Variants in MFN1 observed in about 807,000 individuals in gnomAD.
MFN1 encodes the protein mitofusin 1, also known as mitofusin-1.
A neutral mutation model predicts 92.4 loss-of-function variants in MFN1; 65 were observed. That is an observed-to-expected ratio of 0.70 (90% CI 0.58 to 0.86). MFN1 has a LOEUF of 0.86. Among genes scored for constraint, MFN1 ranks in the 40% least tolerant of loss-of-function variants. The pLI is 0.00. For synonymous variants in MFN1, 297 were observed against 300.9 expected (o/e 0.99, Z 0.13); for missense variants, 781 against 868.0 (o/e 0.90, Z 1.26).
chr3:179,375,237 A>G lies in MFN1; in HGVS notation c.993A>G (p.Ser331=). ...CCTCGCAGGAGTGTATCTCGCAGTCAGCAGTGAAAACAAAGTTCGAACAGC... is the reference window on the plus strand; with the variant it reads ...CCTCGCAGGAGTGTATCTCGCAGTCGGCAGTGAAAACAAAGTTCGAACAGC... ...EQIFEECISQ[S]AVKTKFEQHT... The change falls in exon 10 of 18, where the codon TCA becomes TCG. Residue 331 remains serine, a synonymous_variant. Transcript: ENST00000471841. The G allele has an allele frequency of 6.2e-7, 1 of 1,613,658 alleles. No homozygotes were observed. The highest frequency in any genetic ancestry group is 1.1e-5 in the South Asian group (1 of 91,046).
intron 9 of MFN1, among the ~76,000 whole-genome samples, chr3:179,374,756 A>G (rs1323583382): frequency 4.6e-5 from 7 of 152,338 alleles, no homozygotes; most frequent in Admixed American, 3.3e-4. Context: ...GCAAACTTAC[A>G]GGAATCATTG....
Position 179,358,882 on chromosome 3 carries a change from G to A in MFN1, c.291G>A (p.Trp97Ter). The A allele has an allele frequency of 6.2e-7, 1 of 1,613,864 alleles. No individual in the cohort carries two copies. The highest frequency in any genetic ancestry group is 1.1e-5 in the South Asian group (1 of 91,064). The change falls in exon 4 of 18, where the codon TGG becomes TGA. Residue 97 changes from tryptophan (W) to a stop codon, truncating the protein, a stop_gained. Transcript: ENST00000471841. LOFTEE classifies it high-confidence loss of function. ...GKSSVINAML[W>*]DKVLPSGIGH... ...GCTCTGTTATCAATGCAATGTTGTG[G>A]GATAAAGTTCTCCCTAGTGGGATTG...
chr3:179,366,778 A>C (rs959360024), intron 7 of MFN1, among the ~76,000 whole-genome samples: 2 of 152,102 alleles, frequency 1.3e-5, no homozygotes, highest in Admixed American at 1.3e-4. Flanking sequence ...TAATATAGAG[A>C]TCTCTCATCA....
intron 7 of MFN1, 146 bp downstream of exon 7, chr3:179,365,371 TGATAAA>T: frequency 1.9e-6 from 1 of 513,346 alleles, no homozygotes; most frequent in Non-Finnish European, 3.4e-6. Context: ...AGTAGGTATG[TGATAAA>T]GACCAAAGTC....
At chr3:179,386,666 T>G in intron 16 of MFN1, 37 bp downstream of exon 16, 1 of 1,553,208 alleles carries the variant, frequency 6.4e-7, no homozygotes, top group South Asian at 1.2e-5. Flanking sequence ...TAAAAAAAAG[T>G]TACTGAAATA....
At chr3:179,380,996 A>G (rs1444848189) in intron 14 of MFN1, among the ~76,000 whole-genome samples, 1 of 152,238 alleles carries the variant, frequency 6.6e-6, no homozygotes, top group Non-Finnish European at 1.5e-5. Context: ...AGAAGGATAT[A>G]TCAAAGAAGT....
Position 179,394,853 on chromosome 3 carries a change from A to G in MFN1, c.*2794A>G, listed in dbSNP as rs577433620. The G allele has an allele frequency of 3.3e-4, 50 of 152,356 alleles. No individual in the cohort carries two copies. The highest frequency in any genetic ancestry group is 1.2e-3 in the African/African-American group (50 of 41,584). The allele number at this position is 152,356 out of a possible 1,614,324, so 9.4% of individuals were successfully genotyped here. A position where few individuals can be genotyped will look rare whatever the true frequency, so the allele number is the denominator to read the frequency against. On this transcript the variant is annotated 3_prime_UTR_variant, in exon 18 of 18. Coordinates refer to ENST00000471841, the MANE Select transcript of MFN1 (RefSeq NM_033540.3). ...TTACTTTGTATGTTTGCAGGATTAA[A>G]CTTTGTATAATCTTTTTACAAAAAT...
At chr3:179,367,652 C>T (rs1363207874) in intron 8 of MFN1, 60 bp downstream of exon 8, 52 of 1,406,636 alleles carry the variant, frequency 3.7e-5, no homozygotes, top group South Asian at 7.0e-5. Context: ...TGGCTGGGTG[C>T]GGTGGCTCAC....
chr3:179,381,436 G>T (rs1440769216), intron 14 of MFN1, among the ~76,000 whole-genome samples: 1 of 152,244 alleles, frequency 6.6e-6, no homozygotes, highest in Non-Finnish European at 1.5e-5. Context: ...GAGACTGAAA[G>T]CCTGCCATTG....
chr3:179,364,354 T>C lies in MFN1; in HGVS notation c.594T>C (p.Asp198=). 1 of 1,614,008 alleles carries C rather than the reference T, an allele frequency of 6.2e-7. No individual in the cohort carries two copies. The change falls in exon 6 of 18, where the codon GAT becomes GAC. Residue 198 remains aspartate, a synonymous_variant. Coordinates refer to ENST00000471841, the MANE Select transcript of MFN1 (RefSeq NM_033540.3). Reference sequence around the variant, plus strand: ...GCTGGATTGATAAGTTTTGCCTAGATGCTGATGTCTTTGTTTTGGTCGCAA... The same window carrying C: ...GCTGGATTGATAAGTTTTGCCTAGACGCTGATGTCTTTGTTTTGGTCGCAA... ...LDSWIDKFCL[D]ADVFVLVANS...
chr3:179,374,072 A>G (rs1713126994), intron 9 of MFN1, among the ~76,000 whole-genome samples: 1 of 151,560 alleles, frequency 6.6e-6, no homozygotes, highest in African/African-American at 2.4e-5. Context: ...TGAGACTGAG[A>G]CAGGCAGATG....
intron 2 of MFN1, among the ~76,000 whole-genome samples, chr3:179,350,260 T>C (rs1252293391): frequency 1.3e-5 from 2 of 151,492 alleles, no homozygotes; most frequent in Non-Finnish European, 2.9e-5. Context: ...GGAATCAAAC[T>C]TTTTTTTTCA....
At chr3:179,355,468 T>C (rs1179406666) in intron 3 of MFN1, among the ~76,000 whole-genome samples, 1 of 152,150 alleles carries the variant, frequency 6.6e-6, no homozygotes, top group East Asian at 1.9e-4. Flanking sequence ...CAACTATATA[T>C]ATTCAAGTAT....
At chr3:179,387,539 CTA>C (rs1233469420) in intron 16 of MFN1, among the ~76,000 whole-genome samples, 1 of 146,072 alleles carries the variant, frequency 6.8e-6, no homozygotes, top group Admixed American at 6.8e-5. Flanking sequence ...GAGTGAGAGA[CTA>C]TGTCTCAAAA....
Position 179,382,168 on chromosome 3 carries a change from C to T in MFN1, c.1662+3354C>T, listed in dbSNP as rs573836607. On this transcript the variant is annotated intron_variant, in intron 14 of 17. Coordinates refer to ENST00000471841, the MANE Select transcript of MFN1 (RefSeq NM_033540.3). ...ACATGTGCCATGTTAGTGTGCTGCA[C>T]CCATTAACTCATCATTTACATTAGG... Among the ~76,000 whole-genome samples, 15 of 152,118 alleles carry T rather than the reference C, an allele frequency of 9.9e-5. No homozygotes were observed. The East Asian group carries it at 2.5e-3, about 25-fold the overall frequency.
intron 2 of MFN1, among the ~76,000 whole-genome samples, chr3:179,349,673 C>T (rs1712065988): frequency 6.6e-6 from 1 of 151,958 alleles, no homozygotes; most frequent in South Asian, 2.1e-4. Flanking sequence ...CCATGCCTGA[C>T]TAATTTTTGT....
At chr3:179,389,472 T>G (rs906264006) in intron 16 of MFN1, among the ~76,000 whole-genome samples, 1 of 152,084 alleles carries the variant, frequency 6.6e-6, no homozygotes, top group Non-Finnish European at 1.5e-5. Context: ...ATATTTAATA[T>G]TTAACAAAAT....
chr3:179,370,359 A>G (rs998039589), intron 9 of MFN1, among the ~76,000 whole-genome samples: 1 of 147,076 alleles, frequency 6.8e-6, no homozygotes, highest in African/African-American at 2.5e-5. Flanking sequence ...ATCACTTAAT[A>G]AATATCATTT....
intron 6 of MFN1, 53 bp downstream of exon 6, chr3:179,364,458 T>G: frequency 7.3e-7 from 1 of 1,364,148 alleles, no homozygotes; most frequent in Non-Finnish European, 1.0e-6. Flanking sequence ...AAATGGTATC[T>G]GTTTTAATTC....
Sources: gnomAD v4.1 joint callset for allele counts (sites outside exome capture counted in the v4.1 genomes callset) on GRCh38, gnomAD v4.1.1 for gene constraint, MANE v1.5 for transcripts, NCBI Gene and HGNC (gene_info 2026-07-23, HGNC 2026-07-21) for gene names.